The following SV2C variants were observed in gnomAD, a reference collection of about 807,000 sequenced individuals.
The protein encoded by SV2C is solute carrier family 22 member B3.
SV2C carries 49 observed loss-of-function variants against 79.7 expected under a neutral mutation model. That is an observed-to-expected ratio of 0.61 (90% confidence interval 0.49 to 0.78). SV2C has a LOEUF of 0.78. SV2C is among the 30% of genes least tolerant of loss of function. The probability of loss-of-function intolerance (pLI) is 0.00; values close to 1 mark genes in which losing one functional copy is unlikely to be tolerated. For synonymous variants in SV2C, 334 were observed against 333.2 expected (o/e 1.00, Z -0.03); for missense variants, 833 against 912.9 (o/e 0.91, Z 1.13).
At chr5:76,336,628 C>T (rs936368269), downstream of SV2C, among the ~76,000 whole-genome samples, 5 of 152,166 alleles carry the variant, frequency 3.3e-5, no homozygotes, top group African/African-American at 1.2e-4. Context: ...AACCAGACTC[C>T]GTCCGCAATC....
At chr5:76,031,649 G>C in the SV2C span, among the ~76,000 whole-genome samples, 2,726 of 152,264 alleles carry the variant, frequency 0.018, 40 homozygotes, top group South Asian at 0.049. Context: ...ATAAAAGACT[G>C]CCTGAGACCT....
the SV2C span, among the ~76,000 whole-genome samples, chr5:75,938,866 A>T: frequency 2.0e-5 from 3 of 152,136 alleles, no homozygotes; most frequent in Non-Finnish European, 4.4e-5. Flanking sequence ...TTTTAATATA[A>T]ATCACAGTGG....
At chr5:76,005,947 G>C in the SV2C span, among the ~76,000 whole-genome samples, 2 of 152,126 alleles carry the variant, frequency 1.3e-5, no homozygotes, top group Non-Finnish European at 2.9e-5. Context: ...CTGCATTTGA[G>C]GTTTTGTGCA....
At chr5:75,908,446 T>C in the SV2C span, among the ~76,000 whole-genome samples, 6 of 152,232 alleles carry the variant, frequency 3.9e-5, no homozygotes, top group Non-Finnish European at 5.9e-5. Context: ...GTGCCAAATT[T>C]TGCTCATCCA....
chr5:76,098,993 A>T (rs1747652691), intron 1 of SV2C, among the ~76,000 whole-genome samples: 1 of 152,168 alleles, frequency 6.6e-6, no homozygotes, highest in Non-Finnish European at 1.5e-5. Flanking sequence ...TGAAGAACTA[A>T]GTTATTTGCT....
At chr5:76,087,632 G>A (rs982728424) in intron 1 of SV2C, among the ~76,000 whole-genome samples, 10 of 152,300 alleles carry the variant, frequency 6.6e-5, no homozygotes, top group East Asian at 3.9e-4. Context: ...GGTCCAGAAT[G>A]TGCTGTTTAT....
chr5:75,848,540 G>A, the SV2C span, among the ~76,000 whole-genome samples: 13 of 152,178 alleles, frequency 8.5e-5, no homozygotes, highest in Non-Finnish European at 1.6e-4. Context: ...ATCACTGCTG[G>A]ACTGAGAAAT....
At chr5:75,883,109 A>G in the SV2C span, among the ~76,000 whole-genome samples, 13 of 144,208 alleles carry the variant, frequency 9.0e-5, no homozygotes, top group African/African-American at 2.4e-4. Context: ...ATCACTGGCC[A>G]TCAGAGAAAT....
the SV2C span, among the ~76,000 whole-genome samples, chr5:76,040,387 G>A: frequency 5.9e-5 from 9 of 152,220 alleles, no homozygotes; most frequent in Admixed American, 1.3e-4. Flanking sequence ...GTAATTACAA[G>A]AGAACTTTAT....
intron 1 of SV2C, among the ~76,000 whole-genome samples, chr5:76,111,564 G>A (rs1748098439): frequency 6.6e-6 from 1 of 152,112 alleles, no homozygotes. Flanking sequence ...CATTGCTGCC[G>A]ATGGAGACTG....
intron 4 of SV2C, among the ~76,000 whole-genome samples, chr5:76,230,320 A>AC (rs111754389): frequency 0.12 from 17,868 of 152,114 alleles, 3,042 homozygotes; most frequent in African/African-American, 0.38. Context: ...TTAACAATGC[A>AC]ATTATTTGCA....
rs536493126 is a variant in SV2C, at chr5:76,346,643, G to T, written c.2001-6487G>T. ...TCTCTTAGGAAAGAGATTAATGCAT[G>T]TATATATTTTGTTTGCACTTTTTTG... On this transcript the variant is annotated intron_variant, in intron 12 of 12. Coordinates refer to the SV2C transcript ENST00000322285. Among the ~76,000 whole-genome samples the T allele has an allele frequency of 1.5e-4, 23 of 152,356 alleles. No homozygotes were observed. The South Asian group carries it at 4.8e-3, about 32-fold the overall frequency.
chr5:76,171,542 G>A (rs1226746484), intron 2 of SV2C, among the ~76,000 whole-genome samples: 8 of 139,478 alleles, frequency 5.7e-5, no homozygotes, highest in East Asian at 4.2e-4. Flanking sequence ...CTCTCCGCCC[G>A]GCAGCCACCC....
chr5:75,871,047 A>C, the SV2C span, among the ~76,000 whole-genome samples: 1 of 152,232 alleles, frequency 6.6e-6, no homozygotes, highest in Non-Finnish European at 1.5e-5. Flanking sequence ...ACAATATGCC[A>C]AGATTAGATG....
At position 76,298,813 on chromosome 5, in the gene SV2C, A is replaced by T. The variant is rs750704072; in HGVS notation, c.1522A>T (p.Lys508Ter). 2.6e-5 allele frequency: 42 copies of T among 1,613,810 alleles called. 1 individual carries two copies. In the Admixed American group the frequency reaches 6.7e-4, roughly 26 times the overall value. ...DNGRFIGVKF[K>*]SVTFKDSVFK... Reference sequence around the variant, plus strand: ...GGGCAGATTCATAGGGGTCAAGTTCAAATCTGTAACTTTCAAAGACTCTGT... The same window carrying T: ...GGGCAGATTCATAGGGGTCAAGTTCTAATCTGTAACTTTCAAAGACTCTGT... The change falls in exon 10 of 13, where the codon AAA (lysine) becomes TAA (stop). Residue 508 changes from lysine (K) to a stop codon, truncating the protein, a stop_gained. Coordinates refer to ENST00000502798, the MANE Select transcript of SV2C (RefSeq NM_014979.4). LOFTEE classifies it high-confidence loss of function.
intron 4 of SV2C, among the ~76,000 whole-genome samples, chr5:76,263,504 T>C (rs151156560): frequency 0.012 from 1,821 of 152,272 alleles, 31 homozygotes; most frequent in African/African-American, 0.042. Flanking sequence ...GATCCTGTCA[T>C]TATGATGCTA....
chr5:76,167,581 TAAG>T (rs1267216362), intron 2 of SV2C, among the ~76,000 whole-genome samples: 1 of 152,268 alleles, frequency 6.6e-6, no homozygotes, highest in African/African-American at 2.4e-5. Context: ...AAGCACTTTA[TAAG>T]AGTTAATTCA....
chr5:75,969,810 G>C, the SV2C span, among the ~76,000 whole-genome samples: 112 of 152,122 alleles, frequency 7.4e-4, no homozygotes, highest in African/African-American at 2.6e-3. Context: ...ACTCAGCTCT[G>C]CACCAAGCAG....
At chr5:76,126,071 C>T (rs1052435112) in intron 1 of SV2C, among the ~76,000 whole-genome samples, 3 of 151,942 alleles carry the variant, frequency 2.0e-5, no homozygotes, top group Non-Finnish European at 4.4e-5. Context: ...ACAAAAAACC[C>T]AATAACATTA....
Sources: gnomAD v4.1 joint callset for allele counts (sites outside exome capture counted in the v4.1 genomes callset) on GRCh38, gnomAD v4.1.1 for gene constraint, MANE v1.5 for transcripts, NCBI Gene and HGNC (gene_info 2026-07-23, HGNC 2026-07-21) for gene names.